Variants in LGI4 observed in about 807,000 individuals in gnomAD.
The protein encoded by LGI4 is leucine-rich repeat LGI family member 4.
In LGI4, 36 loss-of-function variants were observed where a neutral mutation model predicts 48.3. The ratio of observed to expected loss-of-function variants is 0.75; its 90% CI spans 0.57 to 0.98. The LOEUF (loss-of-function observed/expected upper bound fraction) is 0.98. LGI4 is among the 50% of genes least tolerant of loss of function. The probability of loss-of-function intolerance (pLI) is 0.00; values close to 1 mark genes in which losing one functional copy is unlikely to be tolerated. For missense variants in LGI4, 701 were observed against 732.1 expected, an observed-to-expected ratio of 0.96 and a Z score of 0.49; for synonymous variants, 355 against 331.6, an observed-to-expected ratio of 1.07 and a Z score of -0.77.
intron 6 of LGI4, 70 bp downstream of exon 6, chr19:35,131,316 C>T (rs748857085): frequency 5.4e-5 from 82 of 1,530,502 alleles, no homozygotes; most frequent in Middle Eastern, 3.3e-4. Flanking sequence ...GGGAGTGAGA[C>T]GAGCCTCTTG....
Position 35,126,544 on chromosome 19 carries a change from G to A in LGI4, c.1025C>T (p.Thr342Ile), listed in dbSNP as rs2145359217. Residue 342 changes from threonine (T) to isoleucine (I), a missense_variant, in exon 8 of 9, where the codon ACC becomes ATC. Coordinates refer to ENST00000310123, the MANE Select transcript of LGI4 (RefSeq NM_139284.3). ...VVADASKAGS[T>I]TLLCRDGPGF... ...GGGCCCGTCGCGGCACAGCAGCGTGGTGCTGCCCGCCTTGGAGGCATCGGC... is the reference window on the plus strand; with the variant it reads ...GGGCCCGTCGCGGCACAGCAGCGTGATGCTGCCCGCCTTGGAGGCATCGGC... The A allele has an allele frequency of 6.5e-7, 1 of 1,540,936 alleles. No individual in the cohort carries two copies. The highest frequency in any genetic ancestry group is 8.7e-7 in the Non-Finnish European group (1 of 1,148,364).
rs10420608 is a variant in LGI4 at position 35,127,016 on chromosome 19, C to T, written c.630G>A (p.Glu210=). ...DPKTFKCRAI[E]LSWFQTVGES... ...CCCCCACCGTCTGGAACCAGGACAGCTCTGTGGGTGGAGAAGAGAGTCAGG... is the reference window on the plus strand; with the variant it reads ...CCCCCACCGTCTGGAACCAGGACAGTTCTGTGGGTGGAGAAGAGAGTCAGG... The change falls in exon 7 of 9, where the codon GAG becomes GAA. Residue 210 remains glutamate (E), a splice_region_variant and synonymous_variant. Transcript: ENST00000310123. 5,147 of 1,584,122 alleles carry T rather than the reference C, an allele frequency of 3.2e-3. 144 individuals are homozygous for T. In the African/African-American group the frequency reaches 0.056, roughly 17 times the overall value.
At chr19:35,126,223 G>A in intron 8 of LGI4, 47 bp downstream of exon 8, 1 of 1,588,476 alleles carries the variant, frequency 6.3e-7, no homozygotes, top group South Asian at 1.1e-5. Flanking sequence ...GTGCAAGATT[G>A]GGTCAGTGCT....
intron 6 of LGI4, 81 bp from the exon 7 acceptor site, chr19:35,127,098 G>C (rs1600470906): frequency 1.4e-6 from 2 of 1,406,134 alleles, no homozygotes; most frequent in East Asian, 4.7e-5. Context: ...CTACATCTCT[G>C]AAATGGAGGC....
At chr19:35,133,972 C>T (rs918064083) in intron 2 of LGI4, 61 bp downstream of exon 2, 1 of 1,491,466 alleles carries the variant, frequency 6.7e-7, no homozygotes. Context: ...TACACTCCCA[C>T]ACATGTGCAT....
At chr19:35,134,245 C>T (rs2065194327) in intron 1 of LGI4, 141 bp from the exon 2 acceptor site, 1 of 836,576 alleles carries the variant, frequency 1.2e-6, no homozygotes, top group Admixed American at 2.1e-5. Context: ...AGGAGGCAGG[C>T]ATTTGCCCTC....
In LGI4 at chr19:35,134,687, A is replaced by AC. The variant is rs1374051879; in HGVS notation, c.-8dup. The AC allele has an allele frequency of 1.3e-6, 1 of 764,556 alleles. No homozygotes were observed. The allele number at this position is 764,556 out of a possible 1,614,324, so 47.4% of individuals were successfully genotyped here. A position where few individuals can be genotyped will look rare whatever the true frequency, so the allele number is the denominator to read the frequency against. ...GAATGCCTGCCCCTCCCATGCCCCC[A>AC]CCCCCACTCTGAGGCACCCGCTTCT... On this transcript the variant is annotated 5_prime_UTR_variant, in exon 1 of 9. Transcript: ENST00000310123.
chr19:35,134,212 G>C, intron 1 of LGI4, 108 bp from the exon 2 acceptor site: 1 of 1,028,212 alleles, frequency 9.7e-7, no homozygotes, highest in Non-Finnish European at 1.5e-6. Flanking sequence ...CCTGACCCTG[G>C]ATGTGTCTCC....
At chr19:35,126,156 T>G (rs1462937169) in intron 8 of LGI4, 114 bp downstream of exon 8, 3 of 1,174,578 alleles carry the variant, frequency 2.6e-6, no homozygotes, top group Non-Finnish European at 3.7e-6. Context: ...CAGTGTGGGG[T>G]GGGGTCCTGG....
At chr19:35,131,756 A>AC in intron 5 of LGI4, 33 bp downstream of exon 5, 2 of 1,501,056 alleles carry the variant, frequency 1.3e-6, no homozygotes, top group Non-Finnish European at 1.8e-6. Flanking sequence ...ACATTCCCCA[A>AC]CCCCCCACAT....
At position 35,133,764 on chromosome 19, in the gene LGI4, G is replaced by T. The variant is rs1306029862; in HGVS notation, c.243C>A (p.Leu81=). 6.2e-7 allele frequency: 1 copy of T among 1,605,708 alleles called. No individual in the cohort carries two copies. The change falls in exon 3 of 9, where the codon CTC becomes CTA. Residue 81 remains leucine (L), a splice_region_variant and synonymous_variant. Transcript: ENST00000310123. The stretch of plus-strand genomic sequence containing the variant: ...CGGAGAAGGAGTTGGAGGTGAAGAG[G>T]CTGGCAAGGGGGCAAGAAAGAAATT... ...SFLRIPSLHL[L]LFTSNSFSVI...
At chr19:35,129,439 A>C (rs1434428666) in intron 6 of LGI4, among the ~76,000 whole-genome samples, 1 of 152,194 alleles carries the variant, frequency 6.6e-6, no homozygotes, top group Non-Finnish European at 1.5e-5. Context: ...ATTTGTACTA[A>C]GAAAAATTCT....
In LGI4 at chr19:35,131,439, C is replaced by T; in HGVS notation, c.575G>A (p.Ser192Asn). 6.4e-7 allele frequency: 1 copy of T among 1,552,396 alleles called. No homozygotes were observed. The highest frequency in any genetic ancestry group is 8.7e-7 in the Non-Finnish European group (1 of 1,147,304). The change falls in exon 6 of 9, where the codon AGC becomes AAC. Residue 192 changes from serine to asparagine, a missense_variant. By Grantham distance (46) the Ser-to-Asn change is conservative. Coordinates refer to ENST00000310123, the MANE Select transcript of LGI4 (RefSeq NM_139284.3). ...TGACAGPASL[S>N]HMQLHHLDPK... is the part of the protein sequence containing the mutation. ...GTCGAGGTGGTGGAGCTGCATGTGG[C>T]TCAGGGAGGCGGGGCCCGCACAGGC...
Position 35,134,946 on chromosome 19 carries a change from C to G in LGI4, c.-266G>C. 2.1e-6 allele frequency: 1 copy of G among 465,416 alleles called. No homozygotes were observed. Among genetic ancestry groups the G allele is most frequent in the East Asian group, 3.7e-5 (1 of 26,986 alleles). The allele number at this position is 465,416 out of a possible 1,614,324, so 28.8% of individuals were successfully genotyped here. A position where few individuals can be genotyped will look rare whatever the true frequency, so the allele number is the denominator to read the frequency against. The stretch of plus-strand genomic sequence containing the variant: ...TGTGTTAGTCTGTTTCTATTTCTGT[C>G]TTTGTCTCTCTTTCTGCCTGTTTCT... On this transcript the variant is annotated 5_prime_UTR_variant, in exon 1 of 9. Transcript: ENST00000310123.
chr19:35,130,081 C>A (rs1486859250), intron 6 of LGI4, among the ~76,000 whole-genome samples: 1 of 152,130 alleles, frequency 6.6e-6, no homozygotes, highest in African/African-American at 2.4e-5. Context: ...GAGTCCTTTG[C>A]TCACATGTTT....
rs199806736 is a variant in LGI4, at chr19:35,131,458, C to T, written c.556G>A (p.Ala186Thr). Residue 186 changes from alanine to threonine, a missense_variant, in exon 6 of 9, where the codon GCG becomes ACG. By Grantham distance (58) the Ala-to-Thr change is moderately conservative. This residue lies in a region of LGI4 where 462 missense variants were observed against 436.4 expected (regional missense o/e 1.06). Transcript: ENST00000310123. ...VNASVGTGACAGPASLSHMQL... is the reference protein window; with the variant it reads ...VNASVGTGACTGPASLSHMQL... ...ATGTGGCTCAGGGAGGCGGGGCCCG[C>T]ACAGGCGCCGGTCCCCACGCTGGCA... The T allele has an allele frequency of 9.2e-5, 142 of 1,551,788 alleles. 1 individual carries two copies. In the African/African-American group the frequency reaches 1.8e-3, roughly 20 times the overall value.
Position 35,127,602 on chromosome 19 carries a change from T to G in LGI4, c.629-585A>C, listed in dbSNP as rs555665460. Among the ~76,000 whole-genome samples, 5 of 152,188 alleles carry G rather than the reference T, an allele frequency of 3.3e-5. No individual in the cohort carries two copies. The South Asian group carries it at 6.2e-4, about 19-fold the overall frequency. ...GGGGTTTCACCATGTTGGCCAGGCT[T>G]GTCTCGAACTCCTGACCTCATAATC... On this transcript the variant is annotated intron_variant, in intron 6 of 8. Transcript: ENST00000310123.
chr19:35,126,182 G>A (rs1392658488), intron 8 of LGI4, 88 bp downstream of exon 8: 8 of 1,428,964 alleles, frequency 5.6e-6, no homozygotes, highest in Middle Eastern at 1.8e-4. Flanking sequence ...AGGTCGGCAT[G>A]TGAGGGTAGG....
intron 1 of LGI4, 92 bp downstream of exon 1, chr19:35,134,419 T>A (rs1355125323): frequency 1.4e-5 from 19 of 1,321,322 alleles, no homozygotes; most frequent in Non-Finnish European, 1.7e-5. Flanking sequence ...GATGGGCCCC[T>A]GTTTCCCTGG....
Sources: gnomAD v4.1 joint callset for allele counts (sites outside exome capture counted in the v4.1 genomes callset) on GRCh38, gnomAD v4.1.1 for gene constraint, gnomAD v4.1.1 regional missense constraint, MANE v1.5 for transcripts, NCBI Gene and HGNC (gene_info 2026-07-23, HGNC 2026-07-21) for gene names.